Variants in ATP6V1E2 observed in about 807,000 individuals in gnomAD.
The protein encoded by ATP6V1E2 is V-type proton ATPase subunit E 2.
For synonymous variants in ATP6V1E2, 121 were observed against 104.2 expected (o/e 1.16, Z -0.98); for missense variants, 308 against 273.3 (o/e 1.13, Z -0.90).
chr2:46,522,004 G>T (rs2103864796), intron 4 of ATP6V1E2, among the ~76,000 whole-genome samples: 1 of 152,258 alleles, frequency 6.6e-6, no homozygotes, highest in African/African-American at 2.4e-5. Context: ...CTTTCAAAAA[G>T]TATTTTTTGG....
At chr2:46,520,215 T>C (rs1666540781) in intron 4 of ATP6V1E2, among the ~76,000 whole-genome samples, 1 of 152,208 alleles carries the variant, frequency 6.6e-6, no homozygotes, top group African/African-American at 2.4e-5. Context: ...AAGGCAGGGA[T>C]TGAGCAAGTC....
intron 4 of ATP6V1E2, chr2:46,534,190 A>G (rs1558669057): frequency 6.6e-6 from 1 of 152,160 alleles, no homozygotes; most frequent in Admixed American, 6.5e-5. Context: ...AGTTTTTAAT[A>G]TCATCTTAAG....
chr2:46,533,175 A>G (rs566174818), intron 4 of ATP6V1E2, among the ~76,000 whole-genome samples: 2 of 150,056 alleles, frequency 1.3e-5, no homozygotes, highest in Non-Finnish European at 3.0e-5. Context: ...ATATAATGTT[A>G]TATCATATAT....
rs1248792489 is a variant in ATP6V1E2 at position 46,535,670 on chromosome 2, C to T, written c.-102+143G>A. The T allele has an allele frequency of 6.6e-6, 1 of 152,246 alleles. No homozygotes were observed. The highest frequency in any genetic ancestry group is 1.9e-4 in the East Asian group (1 of 5,204). 9.4% of individuals were successfully genotyped at this position (152,246 alleles called of 1,614,324 possible). On this transcript the variant is annotated intron_variant, in intron 4 of 4. Transcript: ENST00000522587. The surrounding 1 kb of genome is among the most constrained non-coding windows in gnomAD (Gnocchi z 4.4). ...GTCAGGAACTGAACTGTGTACCCAC[C>T]ACTAAAGCTGCAGCCTCCAGAGACA...
chr2:46,526,494 C>T (rs1428891974), intron 4 of ATP6V1E2, among the ~76,000 whole-genome samples: 1 of 152,130 alleles, frequency 6.6e-6, no homozygotes, highest in Non-Finnish European at 1.5e-5. Flanking sequence ...AGAACTTTTT[C>T]GTCTTCCCAA....
At chr2:46,531,537 A>G (rs1260169106) in intron 4 of ATP6V1E2, among the ~76,000 whole-genome samples, 4 of 152,240 alleles carry the variant, frequency 2.6e-5, no homozygotes, top group Admixed American at 6.5e-5. Context: ...TCTTTTGGAT[A>G]TATACCTAGC....
At chr2:46,515,675 T>A (rs574164379) in intron 4 of ATP6V1E2, among the ~76,000 whole-genome samples, 1 of 152,324 alleles carries the variant, frequency 6.6e-6, no homozygotes, top group South Asian at 2.1e-4. Context: ...TCTTTCTCTA[T>A]CAGTAATTAC....
At chr2:46,527,412 A>G (rs1042376273) in intron 4 of ATP6V1E2, among the ~76,000 whole-genome samples, 9 of 152,186 alleles carry the variant, frequency 5.9e-5, no homozygotes, top group South Asian at 4.2e-4. Flanking sequence ...TAGTAGAGAC[A>G]GGGTTTCACC....
At chr2:46,519,780 T>C (rs1666509908) in intron 4 of ATP6V1E2, 1 of 152,244 alleles carries the variant, frequency 6.6e-6, no homozygotes, top group Non-Finnish European at 1.5e-5. Context: ...TGACCACTAC[T>C]ACTATTATTG....
intron 4 of ATP6V1E2, among the ~76,000 whole-genome samples, chr2:46,518,525 A>ACACACACACACACACACACACAC (rs1553412653): frequency 2.1e-5 from 3 of 144,282 alleles, no homozygotes; most frequent in African/African-American, 7.8e-5. Flanking sequence ...ACACACACAC[A>ACACACACACACACACACACACAC]AATGCTATCC....
At chr2:46,529,152 G>A (rs1572712365) in intron 4 of ATP6V1E2, among the ~76,000 whole-genome samples, 1 of 152,238 alleles carries the variant, frequency 6.6e-6, no homozygotes, top group Non-Finnish European at 1.5e-5. Flanking sequence ...AGGGAGGGCA[G>A]GAACACCAGA....
intron 4 of ATP6V1E2, among the ~76,000 whole-genome samples, chr2:46,528,679 C>A (rs1667044004): frequency 6.6e-6 from 1 of 152,206 alleles, no homozygotes; most frequent in Non-Finnish European, 1.5e-5. Flanking sequence ...GAGGTTCAGA[C>A]CCCAGTCCTG....
intron 2 of ATP6V1E2, 24 bp downstream of exon 2, chr2:46,541,365 CA>C (rs1171282083): frequency 6.6e-6 from 1 of 152,210 alleles, no homozygotes; most frequent in African/African-American, 2.4e-5. Flanking sequence ...GGGAGAGGCT[CA>C]ATGAGAATCT....
intron 4 of ATP6V1E2, among the ~76,000 whole-genome samples, chr2:46,517,336 A>C (rs1183610167): frequency 6.6e-6 from 1 of 152,218 alleles, no homozygotes. Flanking sequence ...ATCAACTAAA[A>C]ATTGATTGAA....
chr2:46,512,908 A>T, intron 4 of ATP6V1E2, 96 bp from the exon 5 acceptor site: 1 of 539,054 alleles, frequency 1.9e-6, no homozygotes, highest in South Asian at 2.7e-5. Flanking sequence ...CAGATGAGGA[A>T]ATTGAGGTCC....
chr2:46,518,782 G>GTGTC (rs1666444673), intron 4 of ATP6V1E2, among the ~76,000 whole-genome samples: 1 of 36,022 alleles, frequency 2.8e-5, no homozygotes, highest in Admixed American at 2.4e-4. Flanking sequence ...GTGTGTGTGT[G>GTGTC]TGTGTGTGTG....
chr2:46,520,359 C>T lies in ATP6V1E2; in HGVS notation c.-101-7547G>A, dbSNP rs565915647. 4.6e-5 allele frequency among the ~76,000 whole-genome samples: 7 copies of T among 152,334 alleles called. 1 individual carries two copies. The highest frequency in any genetic ancestry group is 2.1e-4 in the South Asian group (1 of 4,824). The stretch of plus-strand genomic sequence containing the variant: ...ACAAAACAAACCAAGAAATGTGAAA[C>T]GCACATGCCTGTCCTTATACGAGGG... On this transcript the variant is annotated intron_variant, in intron 4 of 4. Transcript: ENST00000522587.
chr2:46,527,895 T>C (rs924178371), intron 4 of ATP6V1E2: 3 of 152,232 alleles, frequency 2.0e-5, no homozygotes, highest in African/African-American at 4.8e-5. Flanking sequence ...TTTGTTGTTG[T>C]TGAGTTATAG....
chr2:46,518,699 A>C (rs932359000), intron 4 of ATP6V1E2, among the ~76,000 whole-genome samples: 42 of 151,820 alleles, frequency 2.8e-4, no homozygotes, highest in Middle Eastern at 6.8e-3. Context: ...TTTAAAAAAA[A>C]CCTGCATTTT....
Sources: allele counts gnomAD v4.1 joint callset (sites outside exome capture counted in the v4.1 genomes callset), GRCh38; gene constraint gnomAD v4.1.1; non-coding constraint Gnocchi (gnomAD v3.1); transcripts MANE v1.5; gene names NCBI Gene and HGNC (gene_info 2026-07-23, HGNC 2026-07-21).